The following USP34 variants were observed in gnomAD, a reference collection of about 807,000 sequenced individuals.
USP34 encodes ubiquitin carboxyl-terminal hydrolase 34.
In USP34, 70 loss-of-function variants were observed where a neutral mutation model predicts 460.3. The ratio of observed to expected loss-of-function variants is 0.15; its 90% CI spans 0.13 to 0.19. The LOEUF is 0.19. Ranked by LOEUF, USP34 falls within the 10% of genes least tolerant of loss-of-function variation. The probability of loss-of-function intolerance (pLI) is 1.00; values close to 1 mark genes in which losing one functional copy is unlikely to be tolerated. For synonymous variants in USP34, 1,647 were observed against 1,405.3 expected, an observed-to-expected ratio of 1.17 and a Z score of -3.85; for missense variants, 3,985 against 4,236.2, an observed-to-expected ratio of 0.94 and a Z score of 1.65.
chr2:61,451,972 G>A (rs1032665659), intron 1 of USP34, among the ~76,000 whole-genome samples: 7 of 151,790 alleles, frequency 4.6e-5, no homozygotes, highest in East Asian at 3.9e-4. Flanking sequence ...TCAGGAGATC[G>A]AGACCATCCT....
At chr2:61,317,508 C>G (rs1037926293) in intron 23 of USP34, 146 bp downstream of exon 23, 9 of 626,564 alleles carry the variant, frequency 1.4e-5, no homozygotes, top group Non-Finnish European at 2.4e-5. Flanking sequence ...GCCTGAGCAA[C>G]AGAGATAGAC....
intron 3 of USP34, among the ~76,000 whole-genome samples, chr2:61,395,710 CG>C (rs1558569415): frequency 1.4e-5 from 2 of 143,856 alleles, no homozygotes; most frequent in Non-Finnish European, 3.0e-5. Context: ...GGCGTGAACC[CG>C]GAAGGCGGAG....
In USP34 at chr2:61,214,554, C is replaced by T. The variant is rs748425971; in HGVS notation, c.8188G>A (p.Val2730Met). The change falls in exon 68 of 80, where the codon GTG becomes ATG. Residue 2730 changes from valine (V) to methionine (M), a missense_variant. Val to Met is a conservative substitution (Grantham distance 21). Coordinates refer to ENST00000398571, the MANE Select transcript of USP34 (RefSeq NM_014709.4). Reference sequence around the variant, plus strand: ...GCTCTTGAGAGCAAACCAAGGAGCACGTTGTAGACCTGATGTAGGACTACT... The same window carrying T: ...GCTCTTGAGAGCAAACCAAGGAGCATGTTGTAGACCTGATGTAGGACTACT... ...TTVVLHQVYN[V>M]LLGLLSRAKL... 35 of 1,613,408 alleles carry T rather than the reference C, an allele frequency of 2.2e-5. No individual in the cohort carries two copies. Among genetic ancestry groups the T allele is most frequent in the East Asian group, 1.6e-4 (7 of 44,900 alleles).
At chr2:61,318,877 C>CA (rs1368473429) in intron 22 of USP34, among the ~76,000 whole-genome samples, 2 of 151,942 alleles carry the variant, frequency 1.3e-5, no homozygotes, top group Non-Finnish European at 2.9e-5. Flanking sequence ...CTGATTATTT[C>CA]AAAAAAACAA....
At chr2:61,324,810 A>T (rs958453806) in intron 21 of USP34, among the ~76,000 whole-genome samples, 8 of 152,126 alleles carry the variant, frequency 5.3e-5, no homozygotes, top group South Asian at 4.1e-4. Context: ...CTAAAAAAAA[A>T]TTTTTAATTT....
Position 61,188,569 on chromosome 2 carries a change from C to G in USP34, c.10174G>C (p.Asp3392His). Reference protein sequence around the residue: ...PTSTSDNETRDSSIIDPGTEQ... With the variant: ...PTSTSDNETRHSSIIDPGTEQ... Reference sequence around the variant, plus strand: ...GTTCCTGGATCAATAATTGAGGAGTCTCTGGTCTCATTGTCAGAAGTGCTC... The same window carrying G: ...GTTCCTGGATCAATAATTGAGGAGTGTCTGGTCTCATTGTCAGAAGTGCTC... Residue 3392 changes from aspartate to histidine, a missense_variant, in exon 80 of 80, where the codon GAC becomes CAC. This residue lies in a region of USP34 where 506 missense variants were observed against 439.0 expected (regional missense o/e 1.15). Transcript: ENST00000398571. 3 of 1,614,214 alleles carry G rather than the reference C, an allele frequency of 1.9e-6. No homozygotes were observed. The highest frequency in any genetic ancestry group is 2.5e-6 in the Non-Finnish European group (3 of 1,180,040).
rs569280492 is a variant in USP34 at position 61,317,273 on chromosome 2, T to C, written c.3282+381A>G. Among the ~76,000 whole-genome samples, 7 of 152,366 alleles carry C rather than the reference T, an allele frequency of 4.6e-5. No homozygotes were observed. In the East Asian group the frequency reaches 1.2e-3, roughly 25 times the overall value. On this transcript the variant is annotated intron_variant, in intron 23 of 79. Transcript: ENST00000398571. ...TGAGCACGTTGGCTCATGCCTGTAA[T>C]CCCAGCACTTTGGGAGGCCAAGGCA... is the stretch of plus-strand genomic sequence containing the variant.
chr2:61,331,226 A>T (rs780341405), intron 20 of USP34, 50 bp downstream of exon 20: 22 of 1,453,352 alleles, frequency 1.5e-5, no homozygotes, highest in Non-Finnish European at 2.1e-5. Context: ...TCATCTTTCA[A>T]AGGAAAGACA....
At chr2:61,362,405 C>T (rs1429412317) in intron 10 of USP34, among the ~76,000 whole-genome samples, 2 of 152,104 alleles carry the variant, frequency 1.3e-5, no homozygotes, top group Non-Finnish European at 2.9e-5. Context: ...GGAAAAAAAA[C>T]TAAACATCTT....
At chr2:61,443,065 A>G (rs1398117144) in intron 1 of USP34, among the ~76,000 whole-genome samples, 1 of 19,614 alleles carries the variant, frequency 5.1e-5, no homozygotes, top group Non-Finnish European at 1.0e-4. Context: ...GTTCTTACTC[A>G]TGTGGAAGCT....
At chr2:61,226,836 C>T (rs771437653) in intron 62 of USP34, 85 of 439,190 alleles carry the variant, frequency 1.9e-4, no homozygotes, top group Non-Finnish European at 2.8e-4. Context: ...ATTTCTAACA[C>T]GACTCATAGA....
At chr2:61,275,550 T>C (rs1006696954) in intron 41 of USP34, among the ~76,000 whole-genome samples, 6 of 151,688 alleles carry the variant, frequency 4.0e-5, no homozygotes. Context: ...CTTGATCTAG[T>C]AGTTCAAGGC....
At chr2:61,394,791 T>TCCTTTCAGAG in intron 5 of USP34, 62 bp downstream of exon 5, 1 of 1,295,290 alleles carries the variant, frequency 7.7e-7, no homozygotes, top group Non-Finnish European at 1.0e-6. Context: ...AGCATAAAAT[T>TCCTTTCAGAG]CATGTTACTG....
intron 34 of USP34, among the ~76,000 whole-genome samples, chr2:61,285,595 C>T (rs553139504): frequency 5.1e-4 from 77 of 151,916 alleles, no homozygotes; most frequent in Non-Finnish European, 8.5e-4. Flanking sequence ...AGATTCTCTG[C>T]ATACCACTGA....
intron 1 of USP34, 53 bp downstream of exon 1, chr2:61,470,597 G>A: frequency 2.3e-6 from 3 of 1,320,872 alleles, no homozygotes; most frequent in Non-Finnish European, 3.2e-6. Flanking sequence ...CCAGAGAGCT[G>A]CGCGAGGACC....
intron 41 of USP34, among the ~76,000 whole-genome samples, chr2:61,276,258 A>G (rs1387231946): frequency 6.6e-6 from 1 of 152,238 alleles, no homozygotes; most frequent in Non-Finnish European, 1.5e-5. Context: ...GATTAAAATC[A>G]ACCTATTTTA....
At chr2:61,360,822 G>C (rs898701250) in intron 10 of USP34, among the ~76,000 whole-genome samples, 7 of 151,984 alleles carry the variant, frequency 4.6e-5, no homozygotes, top group Non-Finnish European at 8.8e-5. Context: ...CATCCAACTA[G>C]TTTTTTGTAT....
At position 61,223,066 on chromosome 2, in the gene USP34, T is replaced by C. The variant is rs765834196; in HGVS notation, c.7743A>G (p.Ala2581=). The change falls in exon 64 of 80, where the codon GCA becomes GCG. Residue 2581 remains alanine, a synonymous_variant. Coordinates refer to ENST00000398571, the MANE Select transcript of USP34 (RefSeq NM_014709.4). ...ACTGTTCCTTAGCACTTACATGTTCTGCAAGTCGATTATTGTATCGACACA... is the reference window on the plus strand; with the variant it reads ...ACTGTTCCTTAGCACTTACATGTTCCGCAAGTCGATTATTGTATCGACACA... The part of the protein sequence containing the change: ...FSLCRYNNRL[A]EHIVSMLFTS... 6 of 1,612,368 alleles carry C rather than the reference T, an allele frequency of 3.7e-6. No individual in the cohort carries two copies. In the East Asian group the frequency reaches 1.1e-4, roughly 30 times the overall value.
chr2:61,361,242 C>A (rs1459756330), intron 10 of USP34, among the ~76,000 whole-genome samples: 1 of 152,106 alleles, frequency 6.6e-6, no homozygotes, highest in Non-Finnish European at 1.5e-5. Flanking sequence ...AAGACCCAGT[C>A]TCTACAAAAC....
Sources: gnomAD v4.1 joint callset for allele counts (sites outside exome capture counted in the v4.1 genomes callset) on GRCh38, gnomAD v4.1.1 for gene constraint, gnomAD v4.1.1 regional missense constraint, MANE v1.5 for transcripts, NCBI Gene and HGNC (gene_info 2026-07-23, HGNC 2026-07-21) for gene names.